PATE1: variants seen among roughly 807,000 people sequenced by gnomAD.
PATE1 encodes the protein prostate and testis expressed protein 1.
PATE1 carries 21 observed loss-of-function variants against 13.1 expected under a neutral mutation model. That is an observed-to-expected ratio of 1.61 (90% CI 1.14 to 2.31). PATE1 has a LOEUF of 2.31. Ranked by LOEUF, PATE1 falls within the 30% of genes most tolerant of loss-of-function variation. PATE1 has a pLI of 0.00. For synonymous variants in PATE1, 52 were observed against 47.1 expected, an observed-to-expected ratio of 1.10 and a Z score of -0.43; for missense variants, 166 against 147.2, an observed-to-expected ratio of 1.13 and a Z score of -0.66.
Position 125,748,729 on chromosome 11 carries a change from T to C in PATE1, c.377T>C (p.Leu126Pro), listed in dbSNP as rs753011555. Residue 126 changes from leucine to proline, a missense_variant, in exon 5 of 5, where the codon CTT (leucine) becomes CCT (proline). Physicochemically the swap from Leu to Pro is moderately conservative, Grantham distance 98. Coordinates refer to ENST00000305738, the MANE Select transcript of PATE1 (RefSeq NM_138294.3). Reference sequence around the variant, plus strand: ...AGCCATGACCTGTGCAATGAAGACCTTTAGAAGTTAATGGTTCTTCTGTGA... The same window carrying C: ...AGCCATGACCTGTGCAATGAAGACCCTTAGAAGTTAATGGTTCTTCTGTGA... ...CRSHDLCNEDL is the reference protein window; with the variant it reads ...CRSHDLCNEDP The C allele has an allele frequency of 1.1e-5, 18 of 1,612,704 alleles. No individual in the cohort carries two copies. The highest frequency in any genetic ancestry group is 1.4e-5 in the Non-Finnish European group (17 of 1,179,636).
In PATE1 at chr11:125,748,516, A is replaced by G. The variant is rs910629135; in HGVS notation, c.248-84A>G. The G allele has an allele frequency of 3.5e-6, 5 of 1,448,668 alleles. No individual in the cohort carries two copies. In the African/African-American group the frequency reaches 4.3e-5, roughly 12 times the overall value. 89.7% of individuals were successfully genotyped at this position (1,448,668 alleles called of 1,614,324 possible). On this transcript the variant is annotated intron_variant, in intron 4 of 4. Transcript: ENST00000305738. ...CTTTGAACTACACAAGATTATTTCT[A>G]TATGTTGGTGTGGTCTGGAGAAAAG...
chr11:125,748,642 AC>A lies in PATE1; in HGVS notation c.291del (p.Cys98ValfsTer4). 1 of 1,613,908 alleles carries A rather than the reference AC, an allele frequency of 6.2e-7. No homozygotes were observed. Among genetic ancestry groups the A allele is most frequent in the Non-Finnish European group, 8.5e-7 (1 of 1,179,894 alleles). The part of the protein sequence containing the change: ...PWLTFMGCLK[N>X]CADVKGIRWS... ...TTAACCTTCATGGGCTGCCTAAAGA[AC>A]TGTGCTGATGTGAAAGGCATAAGGT... On this transcript the variant is annotated frameshift_variant, in exon 5 of 5. Transcript: ENST00000305738. LOFTEE classifies it low-confidence loss of function (END_TRUNC).
rs571715369 is a variant in PATE1, at chr11:125,748,781, C to T, written c.*48C>T. 6.3e-7 allele frequency: 1 copy of T among 1,598,450 alleles called. No homozygotes were observed. Among genetic ancestry groups the T allele is most frequent in the Admixed American group, 1.7e-5 (1 of 57,988 alleles). On this transcript the variant is annotated 3_prime_UTR_variant, in exon 5 of 5. Transcript: ENST00000305738. Reference sequence around the variant, plus strand: ...TCCAATTTCTGGGTGAGGTTGTTGCCTCAGCCTCTTCACAATGACTTTCTA... The same window carrying T: ...TCCAATTTCTGGGTGAGGTTGTTGCTTCAGCCTCTTCACAATGACTTTCTA...
rs1437613581 is a variant in PATE1, at chr11:125,748,134, G to C, written c.247+312G>C. ...AACAGTGTGTTGTTGAGTTGTGGAGGGGGCTTTTGGTTCTTGTGCCTGTCT... is the reference window on the plus strand; with the variant it reads ...AACAGTGTGTTGTTGAGTTGTGGAGCGGGCTTTTGGTTCTTGTGCCTGTCT... On this transcript the variant is annotated intron_variant, in intron 4 of 4. Coordinates refer to ENST00000305738, the MANE Select transcript of PATE1 (RefSeq NM_138294.3). The C allele has an allele frequency of 1.1e-5, 4 of 348,802 alleles. No homozygotes were observed. The Admixed American group carries it at 1.7e-4, about 15-fold the overall frequency. 21.6% of individuals were successfully genotyped at this position (348,802 alleles called of 1,614,324 possible).
In PATE1 at chr11:125,747,379, A is replaced by G. The variant is rs762897869; in HGVS notation, c.92A>G (p.Asn31Ser). 2.5e-6 allele frequency: 4 copies of G among 1,612,122 alleles called. No individual in the cohort carries two copies. In the East Asian group the frequency reaches 8.9e-5, roughly 36 times the overall value. The change falls in exon 3 of 5, where the codon AAT becomes AGT. Residue 31 changes from asparagine (N) to serine (S), a missense_variant. By Grantham distance (46) the Asn-to-Ser change is conservative. Coordinates refer to ENST00000305738, the MANE Select transcript of PATE1 (RefSeq NM_138294.3). ...GSLSMRNDAV[N>S]EIVAVKNNFP... ...TTTCTTTCTCTTGCCAGTACAGTCA[A>G]TGAAATAGTTGCTGTGAAAAACAAT...
chr11:125,747,945 T>C, intron 4 of PATE1, 123 bp downstream of exon 4: 1 of 1,394,718 alleles, frequency 7.2e-7, no homozygotes, highest in Non-Finnish European at 9.8e-7. Context: ...CTGGGATGGC[T>C]GATTCCTTCA....
intron 1 of PATE1, 36 bp downstream of exon 1, chr11:125,746,392 G>C (rs747104903): frequency 1.2e-6 from 2 of 1,604,648 alleles, no homozygotes; most frequent in African/African-American, 2.7e-5. Flanking sequence ...TAAGAGTCCT[G>C]AATTTAGGAA....
chr11:125,746,689 T>C lies in PATE1; in HGVS notation c.81T>C (p.Asn27=). The C allele has an allele frequency of 6.2e-7, 1 of 1,613,302 alleles. No homozygotes were observed. Among genetic ancestry groups the C allele is most frequent in the African/African-American group, 1.3e-5 (1 of 74,878 alleles). ...TATCTGGATCACTTTCAATGAGAAA[T>C]GATGCAGGTGAGTAGGAATAGATAA... ...RALSGSLSMR[N]DAVNEIVAVK... The change falls in exon 2 of 5, where the codon AAT becomes AAC. Residue 27 remains asparagine, a synonymous_variant. Coordinates refer to ENST00000305738, the MANE Select transcript of PATE1 (RefSeq NM_138294.3).
At position 125,748,584 on chromosome 11, in the gene PATE1, T is replaced by C. The variant is rs1276419198; in HGVS notation, c.248-16T>C. 10 of 1,608,806 alleles carry C rather than the reference T, an allele frequency of 6.2e-6. No homozygotes were observed. In the Admixed American group the frequency reaches 1.0e-4, roughly 16 times the overall value. On this transcript the variant is annotated splice_polypyrimidine_tract_variant and intron_variant, in intron 4 of 4. Coordinates refer to ENST00000305738, the MANE Select transcript of PATE1 (RefSeq NM_138294.3). Reference sequence around the variant, plus strand: ...CATGGCCAGGCTTCCTGATCTGTTTTTTCTCCCCTCCACAGGGGATGGTAA... The same window carrying C: ...CATGGCCAGGCTTCCTGATCTGTTTCTTCTCCCCTCCACAGGGGATGGTAA...
At position 125,746,299 on chromosome 11, in the gene PATE1, T is replaced by C. The variant is rs756034942; in HGVS notation, c.-6T>C. Reference sequence around the variant, plus strand: ...GTGCTGTAGCCTGGCCCTCCCTCTTTCCAAAATGGACAAGTCCCTCTTGCT... The same window carrying C: ...GTGCTGTAGCCTGGCCCTCCCTCTTCCCAAAATGGACAAGTCCCTCTTGCT... On this transcript the variant is annotated 5_prime_UTR_variant, in exon 1 of 5. Transcript: ENST00000305738. The C allele has an allele frequency of 1.2e-6, 2 of 1,613,836 alleles. No individual in the cohort carries two copies. Among genetic ancestry groups the C allele is most frequent in the Non-Finnish European group, 1.7e-6 (2 of 1,179,770 alleles).
At chr11:125,747,660 C>A in intron 3 of PATE1, 40 bp from the exon 4 acceptor site, 1 of 1,609,186 alleles carries the variant, frequency 6.2e-7, no homozygotes, top group Non-Finnish European at 8.5e-7. Flanking sequence ...CCTGGTAGTG[C>A]CATCTTTTCT....
intron 3 of PATE1, 134 bp downstream of exon 3, chr11:125,747,545 G>C: frequency 7.1e-7 from 1 of 1,411,986 alleles, no homozygotes; most frequent in Admixed American, 1.8e-5. Context: ...TCACTCTCTT[G>C]GCTTAGTGTA....
At chr11:125,746,640 A>G (rs985648165) in intron 1 of PATE1, 21 bp from the exon 2 acceptor site, 1 of 1,613,500 alleles carries the variant, frequency 6.2e-7, no homozygotes. Context: ...CAGACAGTGT[A>G]TCTCTTTTTT....
At chr11:125,746,974 C>T (rs779723783) in intron 2 of PATE1, among the ~76,000 whole-genome samples, 7 of 152,202 alleles carry the variant, frequency 4.6e-5, no homozygotes, top group Middle Eastern at 3.4e-3. Context: ...TTTCAGGTGT[C>T]GCTTGGCCAA....
chr11:125,748,042 A>G (rs1383300434), intron 4 of PATE1: 2 of 589,872 alleles, frequency 3.4e-6, no homozygotes, highest in African/African-American at 1.9e-5. Context: ...GCATTTTGAG[A>G]AGCCTGAAGA....
chr11:125,747,362 T>C lies in PATE1; in HGVS notation c.89-14T>C. Reference sequence around the variant, plus strand: ...GCACATTTCAGATGTGTTTTCTTTCTCTTGCCAGTACAGTCAATGAAATAG... The same window carrying C: ...GCACATTTCAGATGTGTTTTCTTTCCCTTGCCAGTACAGTCAATGAAATAG... On this transcript the variant is annotated splice_polypyrimidine_tract_variant and intron_variant, in intron 2 of 4. Transcript: ENST00000305738. 6.2e-7 allele frequency: 1 copy of C among 1,610,416 alleles called. No homozygotes were observed. The highest frequency in any genetic ancestry group is 8.5e-7 in the Non-Finnish European group (1 of 1,179,392).
Position 125,747,712 on chromosome 11 carries a change from T to A in PATE1, c.137T>A (p.Val46Asp). 1.2e-6 allele frequency: 2 copies of A among 1,613,608 alleles called. No individual in the cohort carries two copies. The highest frequency in any genetic ancestry group is 1.7e-6 in the Non-Finnish European group (2 of 1,179,748). ...VKNNFPVIEI[V>D]QCRMCHLQFP... ...CTCTCTGGCCAAGTGATAGAAATTG[T>A]TCAGTGTAGGATGTGCCACCTCCAG... The change falls in exon 4 of 5, where the codon GTT becomes GAT. Residue 46 changes from valine to aspartate, a missense_variant. Val to Asp is a radical substitution (Grantham distance 152). Transcript: ENST00000305738.
In PATE1 at chr11:125,747,734, C is replaced by A. The variant is rs1179296821; in HGVS notation, c.159C>A (p.Leu53=). ...IEIVQCRMCH[L]QFPGEKCSRG... is the part of the protein sequence containing the mutation. ...TTGTTCAGTGTAGGATGTGCCACCT[C>A]CAGTTCCCAGGAGAAAAGTGCTCCA... Residue 53 remains leucine (L), a synonymous_variant, in exon 4 of 5, where the codon CTC becomes CTA. Transcript: ENST00000305738. 3 of 1,613,660 alleles carry A rather than the reference C, an allele frequency of 1.9e-6. No individual in the cohort carries two copies. The highest frequency in any genetic ancestry group is 1.7e-5 in the Admixed American group (1 of 59,966).
rs758043503 is a variant in PATE1, at chr11:125,748,773, G to A, written c.*40G>A. The A allele has an allele frequency of 6.2e-7, 1 of 1,606,768 alleles. No individual in the cohort carries two copies. Among genetic ancestry groups the A allele is most frequent in the Non-Finnish European group, 8.5e-7 (1 of 1,176,196 alleles). The stretch of plus-strand genomic sequence containing the variant: ...TCTGTGACTCCAATTTCTGGGTGAG[G>A]TTGTTGCCTCAGCCTCTTCACAATG... On this transcript the variant is annotated 3_prime_UTR_variant, in exon 5 of 5. Transcript: ENST00000305738.
Sources: gnomAD v4.1 joint callset for allele counts (sites outside exome capture counted in the v4.1 genomes callset) on GRCh38, gnomAD v4.1.1 for gene constraint, MANE v1.5 for transcripts, NCBI Gene and HGNC (gene_info 2026-07-23, HGNC 2026-07-21) for gene names.